Variants in CSMD3 observed in about 807,000 individuals in gnomAD.
The protein encoded by CSMD3 is CUB and sushi domain-containing protein 3.
A neutral mutation model predicts 435.2 loss-of-function variants in CSMD3; 177 were observed. That is an observed-to-expected ratio of 0.41 (90% CI 0.36 to 0.46). The LOEUF (loss-of-function observed/expected upper bound fraction) is 0.46, where lower values mean the gene tolerates loss of function less well. Ranked by LOEUF, CSMD3 falls within the 20% of genes least tolerant of loss-of-function variation. CSMD3 has a pLI of 0.34. For synonymous variants in CSMD3, 1,656 were observed against 1,520.5 expected, an observed-to-expected ratio of 1.09 and a Z score of -2.07; for missense variants, 4,265 against 4,504.6, an observed-to-expected ratio of 0.95 and a Z score of 1.52.
At chr8:112,913,309 A>T (rs1373848313) in intron 10 of CSMD3, among the ~76,000 whole-genome samples, 1 of 151,754 alleles carries the variant, frequency 6.6e-6, no homozygotes, top group Non-Finnish European at 1.5e-5. Flanking sequence ...TAGATCCCTC[A>T]CATGCACAGT....
chr8:112,333,631 T>G (rs1386631057), intron 45 of CSMD3, among the ~76,000 whole-genome samples: 1 of 151,802 alleles, frequency 6.6e-6, no homozygotes, highest in Non-Finnish European at 1.5e-5. Context: ...ATATCTATTA[T>G]CCACATATTT....
intron 7 of CSMD3, among the ~76,000 whole-genome samples, chr8:112,960,819 G>A (rs2084198534): frequency 6.6e-6 from 1 of 151,588 alleles, no homozygotes; most frequent in Admixed American, 6.6e-5. Flanking sequence ...AATTTATTAG[G>A]AAATAGTATA....
At chr8:112,339,721 C>T (rs1824921755) in intron 42 of CSMD3, among the ~76,000 whole-genome samples, 1 of 152,098 alleles carries the variant, frequency 6.6e-6, no homozygotes, top group African/African-American at 2.4e-5. Flanking sequence ...TACAGTATAA[C>T]TTTTCCAAAT....
At chr8:112,971,472 A>C (rs1272590345) in intron 7 of CSMD3, among the ~76,000 whole-genome samples, 1 of 152,158 alleles carries the variant, frequency 6.6e-6, no homozygotes, top group African/African-American at 2.4e-5. Flanking sequence ...CCATTGGGAG[A>C]AAATACCTAA....
chr8:113,292,113 AATT>A (rs959615262), intron 2 of CSMD3, among the ~76,000 whole-genome samples: 3 of 151,706 alleles, frequency 2.0e-5, no homozygotes, highest in African/African-American at 7.2e-5. Flanking sequence ...TTTACTTTGT[AATT>A]ATTATTTCTT....
intron 1 of CSMD3, among the ~76,000 whole-genome samples, chr8:113,361,297 G>T (rs2094274353): frequency 6.6e-6 from 1 of 152,098 alleles, no homozygotes. Flanking sequence ...ATGGCTAAGA[G>T]AAAAAGGCTT....
chr8:112,556,231 A>T (rs1828105298), intron 25 of CSMD3, among the ~76,000 whole-genome samples: 1 of 151,516 alleles, frequency 6.6e-6, no homozygotes, highest in Non-Finnish European at 1.5e-5. Flanking sequence ...ATGGTACCCC[A>T]GCTATGCAAA....
intron 15 of CSMD3, among the ~76,000 whole-genome samples, chr8:112,683,268 G>A (rs1252255915): frequency 6.6e-6 from 1 of 152,028 alleles, no homozygotes; most frequent in Non-Finnish European, 1.5e-5. Flanking sequence ...GATGAGGAAA[G>A]TATTGCCATC....
Position 112,844,811 on chromosome 8 carries a change from T to C in CSMD3, c.1755+14334A>G, listed in dbSNP as rs558148649. 9.7e-4 allele frequency among the ~76,000 whole-genome samples: 148 copies of C among 152,082 alleles called. 2 individuals are homozygous for C. In the South Asian group the frequency reaches 0.028, roughly 29 times the overall value. On this transcript the variant is annotated intron_variant, in intron 11 of 70. Transcript: ENST00000297405. ...CATCTCGGTTGTTTTAATTAAGACC[T>C]TCTTTGCCCAGTCTCTCTTTTTCCT...
intron 5 of CSMD3, among the ~76,000 whole-genome samples, chr8:113,022,050 T>G (rs2086702055): frequency 6.6e-6 from 1 of 152,160 alleles, no homozygotes; most frequent in African/African-American, 2.4e-5. Context: ...ATGTTCATTA[T>G]TTACACTCAT....
chr8:113,426,802 A>G (rs1203542134), intron 1 of CSMD3, among the ~76,000 whole-genome samples: 3 of 151,566 alleles, frequency 2.0e-5, no homozygotes, highest in African/African-American at 7.2e-5. Context: ...GCTGATCATA[A>G]GTTTTCAACA....
intron 56 of CSMD3, among the ~76,000 whole-genome samples, chr8:112,290,666 A>G (rs1466085331): frequency 6.6e-6 from 1 of 152,058 alleles, no homozygotes; most frequent in Non-Finnish European, 1.5e-5. Context: ...AAGCATAATC[A>G]TAAAATAATT....
chr8:113,412,298 A>T (rs1008361047), intron 1 of CSMD3, among the ~76,000 whole-genome samples: 3 of 152,150 alleles, frequency 2.0e-5, no homozygotes, highest in African/African-American at 4.8e-5. Flanking sequence ...AGATGGGATC[A>T]TTCCTCAGAG....
At chr8:113,329,216 T>TAAATAAATAAATAAAC (rs2094008447) in intron 1 of CSMD3, among the ~76,000 whole-genome samples, 1 of 150,208 alleles carries the variant, frequency 6.7e-6, no homozygotes, top group South Asian at 2.1e-4. Context: ...AATAAATAAA[T>TAAATAAATAAATAAAC]AAATAAATAA....
chr8:112,846,925 A>T (rs2080338960), intron 11 of CSMD3, among the ~76,000 whole-genome samples: 1 of 152,046 alleles, frequency 6.6e-6, no homozygotes. Context: ...GCGCCTTTAA[A>T]ATTCTACTGC....
At chr8:112,293,320 C>A (rs2130696760) in intron 54 of CSMD3, among the ~76,000 whole-genome samples, 2 of 152,016 alleles carry the variant, frequency 1.3e-5, no homozygotes, top group Middle Eastern at 6.8e-3. Flanking sequence ...TAGAAAAGAA[C>A]AAAACTGCAC....
At chr8:113,324,334 T>A (rs1268327600) in intron 1 of CSMD3, among the ~76,000 whole-genome samples, 1 of 152,076 alleles carries the variant, frequency 6.6e-6, no homozygotes, top group Non-Finnish European at 1.5e-5. Context: ...AGAAAATGGT[T>A]TCATGGGCTA....
At chr8:112,551,317 C>T (rs1827665941) in intron 26 of CSMD3, among the ~76,000 whole-genome samples, 1 of 151,828 alleles carries the variant, frequency 6.6e-6, no homozygotes, top group African/African-American at 2.4e-5. Flanking sequence ...AAATAATTTC[C>T]CAAAGAGTGG....
intron 3 of CSMD3, among the ~76,000 whole-genome samples, chr8:113,248,529 T>C (rs867313647): frequency 2.5e-5 from 3 of 120,248 alleles, no homozygotes. Context: ...TATATATATA[T>C]GTATATACAT....
Sources: allele counts gnomAD v4.1 joint callset (sites outside exome capture counted in the v4.1 genomes callset), GRCh38; gene constraint gnomAD v4.1.1; transcripts MANE v1.5; gene names NCBI Gene and HGNC (gene_info 2026-07-23, HGNC 2026-07-21).